The following CRACD variants were observed in gnomAD, a reference collection of about 807,000 sequenced individuals.
CRACD encodes the protein capping protein-inhibiting regulator of actin dynamics.
Under a neutral mutation model 106.8 loss-of-function variants are expected in CRACD, and 56 were observed. The observed-to-expected ratio is 0.52, with a 90% CI of 0.42 to 0.66. The LOEUF is 0.66. Among genes scored for constraint, CRACD ranks in the 30% least tolerant of loss-of-function variants. CRACD has a pLI of 0.00. For missense variants in CRACD, 1,730 were observed against 1,623.2 expected, an observed-to-expected ratio of 1.07 and a Z score of -1.13; for synonymous variants, 754 against 670.8, an observed-to-expected ratio of 1.12 and a Z score of -1.92.
intron 1 of CRACD, among the ~76,000 whole-genome samples, chr4:56,102,327 T>A (rs1577963071): frequency 1.3e-5 from 2 of 152,290 alleles, no homozygotes; most frequent in Admixed American, 6.5e-5. Context: ...ACTACTTGGG[T>A]TTTTTAAAGT....
chr4:56,078,091 A>T (rs936264474), intron 1 of CRACD, among the ~76,000 whole-genome samples: 1 of 152,180 alleles, frequency 6.6e-6, no homozygotes, highest in Non-Finnish European at 1.5e-5. Context: ...AAAAATAATT[A>T]TATATTTTTA....
intron 1 of CRACD, among the ~76,000 whole-genome samples, chr4:56,113,563 G>A (rs959552258): frequency 6.6e-6 from 1 of 152,118 alleles, no homozygotes; most frequent in African/African-American, 2.4e-5. Flanking sequence ...TTTTTAGAGG[G>A]GAAATGAGGG....
At chr4:56,327,511 T>C in intron 10 of CRACD, 133 bp from the exon 11 acceptor site, 1 of 764,976 alleles carries the variant, frequency 1.3e-6, no homozygotes, top group East Asian at 2.6e-5. Flanking sequence ...GTATACATAT[T>C]TCAAAACAAT....
intron 2 of CRACD, among the ~76,000 whole-genome samples, chr4:56,219,260 T>C (rs1318944340): frequency 6.6e-6 from 1 of 152,174 alleles, no homozygotes; most frequent in Non-Finnish European, 1.5e-5. Context: ...TGAAGCAAAT[T>C]TGAGAACAGT....
intron 1 of CRACD, chr4:56,097,412 A>G (rs1248668196): frequency 2.0e-5 from 3 of 152,882 alleles, no homozygotes; most frequent in Non-Finnish European, 2.9e-5. Flanking sequence ...ACCACCGTGA[A>G]TGCGCCCGAT....
At position 56,330,029 on chromosome 4, in the gene CRACD, ACATTT is replaced by A; in HGVS notation, c.*2233_*2237del. Among the ~76,000 whole-genome samples, 1 of 152,344 alleles carries A rather than the reference ACATTT, an allele frequency of 6.6e-6. No homozygotes were observed. The highest frequency in any genetic ancestry group is 1.5e-5 in the Non-Finnish European group (1 of 68,028). ...ACAGCTTCTAAAGGGTACATGTTTA[ACATTT>A]CATTTCAAAATCACCCCAAATTTGC... is the stretch of plus-strand genomic sequence containing the variant. On this transcript the variant is annotated 3_prime_UTR_variant, in exon 11 of 11. Transcript: ENST00000682029.
chr4:56,059,249 GCAACAAGACCAAACCCCACCT>G (rs1230136736), intron 1 of CRACD, among the ~76,000 whole-genome samples: 4 of 151,836 alleles, frequency 2.6e-5, no homozygotes, highest in African/African-American at 9.7e-5. Flanking sequence ...ATCGGCCTGG[GCAACAAGACCAAACCCCACCT>G]CTACAAAACA....
chr4:56,057,810 T>TG (rs1560438202), intron 1 of CRACD, among the ~76,000 whole-genome samples: 2 of 60,028 alleles, frequency 3.3e-5, no homozygotes, highest in African/African-American at 2.9e-4. Context: ...TTTTTTTTTT[T>TG]TTTGTTTTTT....
At chr4:56,060,836 C>T (rs1460174552) in intron 1 of CRACD, among the ~76,000 whole-genome samples, 1 of 152,108 alleles carries the variant, frequency 6.6e-6, no homozygotes, top group Non-Finnish European at 1.5e-5. Flanking sequence ...CTCCCTCACC[C>T]ATTCAACCAT....
intron 4 of CRACD, among the ~76,000 whole-genome samples, chr4:56,298,815 C>T (rs1744200479): frequency 6.6e-6 from 1 of 152,074 alleles, no homozygotes; most frequent in Non-Finnish European, 1.5e-5. Context: ...CACCTGTAAT[C>T]CCAGCTACAA....
chr4:56,073,741 C>T (rs1732742561), intron 1 of CRACD, among the ~76,000 whole-genome samples: 1 of 152,068 alleles, frequency 6.6e-6, no homozygotes, highest in Admixed American at 6.6e-5. Context: ...GCTTTTGTTG[C>T]CATTGCTTTT....
At chr4:56,321,758 A>T (rs1746121180) in intron 8 of CRACD, among the ~76,000 whole-genome samples, 1 of 152,240 alleles carries the variant, frequency 6.6e-6, no homozygotes, top group African/African-American at 2.4e-5. Context: ...AAGAGATGTC[A>T]GTCTTATTTT....
intron 10 of CRACD, among the ~76,000 whole-genome samples, chr4:56,325,893 A>G (rs879757394): frequency 4.6e-5 from 7 of 152,094 alleles, no homozygotes; most frequent in Admixed American, 2.0e-4. Context: ...GGGAAGCTTT[A>G]TATTTGTTTT....
intron 1 of CRACD, among the ~76,000 whole-genome samples, chr4:56,051,515 G>A (rs1731873953): frequency 2.6e-5 from 4 of 152,074 alleles, no homozygotes; most frequent in African/African-American, 7.2e-5. Context: ...GGGGAGGCAG[G>A]GCAGATATTA....
At chr4:56,113,835 C>A (rs1319941036) in intron 1 of CRACD, among the ~76,000 whole-genome samples, 2 of 152,084 alleles carry the variant, frequency 1.3e-5, no homozygotes, top group African/African-American at 4.8e-5. Flanking sequence ...AAAAAGAATT[C>A]TTTTCCTTGG....
At chr4:56,252,879 C>T (rs1466068915) in intron 2 of CRACD, among the ~76,000 whole-genome samples, 3 of 152,196 alleles carry the variant, frequency 2.0e-5, no homozygotes, top group Non-Finnish European at 2.9e-5. Flanking sequence ...AACCTCAGGA[C>T]TTAAAAGGAA....
intron 3 of CRACD, among the ~76,000 whole-genome samples, chr4:56,288,933 A>G (rs909876128): frequency 1.3e-5 from 2 of 152,256 alleles, no homozygotes; most frequent in Non-Finnish European, 2.9e-5. Context: ...GGAATTATTC[A>G]TTCTTAAAAA....
At chr4:56,188,416 A>C (rs1358780649) in intron 2 of CRACD, among the ~76,000 whole-genome samples, 1 of 152,008 alleles carries the variant, frequency 6.6e-6, no homozygotes, top group African/African-American at 2.4e-5. Flanking sequence ...GGGAGGGCCT[A>C]TGATAGATGA....
intron 1 of CRACD, among the ~76,000 whole-genome samples, chr4:56,083,999 C>A (rs1733128600): frequency 6.6e-6 from 1 of 152,070 alleles, no homozygotes; most frequent in African/African-American, 2.4e-5. Flanking sequence ...TATGTATTTA[C>A]TAGAAATCCA....
Sources: allele counts gnomAD v4.1 joint callset (sites outside exome capture counted in the v4.1 genomes callset), GRCh38; gene constraint gnomAD v4.1.1; transcripts MANE v1.5; gene names NCBI Gene and HGNC (gene_info 2026-07-23, HGNC 2026-07-21).